MSH5: variants seen among roughly 807,000 people sequenced by gnomAD.
MSH5 encodes the protein mutS homolog 5, also known as mutS protein homolog 5.
MSH5 carries 78 observed loss-of-function variants against 107.7 expected under a neutral mutation model. The ratio of observed to expected loss-of-function variants is 0.72; its 90% CI spans 0.60 to 0.87. The LOEUF (loss-of-function observed/expected upper bound fraction) is 0.87. Ranked by LOEUF, MSH5 falls within the 40% of genes least tolerant of loss-of-function variation. MSH5 has a pLI of 0.00. For missense variants in MSH5, 889 were observed against 1,046.6 expected, an observed-to-expected ratio of 0.85 and a Z score of 2.08; for synonymous variants, 326 against 399.5, an observed-to-expected ratio of 0.82 and a Z score of 2.19.
intron 10 of MSH5, among the ~76,000 whole-genome samples, chr6:31,748,150 C>T (rs1008516186): frequency 1.3e-5 from 2 of 152,142 alleles, no homozygotes; most frequent in Non-Finnish European, 2.9e-5. Flanking sequence ...TTGCATATCA[C>T]CACCTGCAGT....
intron 5 of MSH5, 143 bp from the exon 6 acceptor site, chr6:31,743,761 G>T: frequency 8.5e-7 from 1 of 1,178,652 alleles, no homozygotes; most frequent in Non-Finnish European, 1.2e-6. Flanking sequence ...TGAAAATTTG[G>T]TTCTTGCTCT....
Position 31,761,159 on chromosome 6 carries a change from C to T in MSH5, c.1963-29C>T. The T allele has an allele frequency of 6.2e-7, 1 of 1,609,254 alleles. No homozygotes were observed. The highest frequency in any genetic ancestry group is 8.5e-7 in the Non-Finnish European group (1 of 1,177,314). ...GTGCGTTACGGGCTTCCAATACTAACTTTCCCTTGTCCACCTTATACCCAG... is the reference window on the plus strand; with the variant it reads ...GTGCGTTACGGGCTTCCAATACTAATTTTCCCTTGTCCACCTTATACCCAG... On this transcript the variant is annotated intron_variant, in intron 20 of 24. Transcript: ENST00000375750. This position sits in a 1 kb window ranked among gnomAD's most constrained non-coding sequence, Gnocchi z 5.3.
At chr6:31,757,080 A>C (rs1043589199) in intron 12 of MSH5, 2 of 152,346 alleles carry the variant, frequency 1.3e-5, no homozygotes, top group South Asian at 2.1e-4. Flanking sequence ...CTAGCTATCA[A>C]TATGGTAAAT....
intron 2 of MSH5, 46 bp from the exon 3 acceptor site, chr6:31,741,117 T>C: frequency 6.2e-7 from 1 of 1,608,442 alleles, no homozygotes. Context: ...AACCCTACAC[T>C]TATGAGTGAT....
chr6:31,740,316 C>A lies in MSH5; in HGVS notation c.-13-138C>A. On this transcript the variant is annotated intron_variant, in intron 1 of 24. Coordinates refer to ENST00000375750, the MANE Select transcript of MSH5 (RefSeq NM_172166.4). The surrounding 1 kb of genome is among the most constrained non-coding windows in gnomAD (Gnocchi z 4.4). ...CCCGAGAATTCACCTCCTGTGTCCA[C>A]AGCTCTCCACGCCCCTCAGCCCTGC... 1 of 823,244 alleles carries A rather than the reference C, an allele frequency of 1.2e-6. No homozygotes were observed. Among genetic ancestry groups the A allele is most frequent in the Non-Finnish European group, 1.8e-6 (1 of 544,902 alleles). 51.0% of individuals were successfully genotyped at this position (823,244 alleles called of 1,614,324 possible).
chr6:31,758,026 G>C lies in MSH5; in HGVS notation c.1015-139G>C, dbSNP rs1810602504. ...AGTGTTTGGTACAGTGCCTCTCACT[G>C]TTTCTTTTTGCCTTTGAGATCTTCC... On this transcript the variant is annotated intron_variant, in intron 12 of 24. Coordinates refer to ENST00000375750, the MANE Select transcript of MSH5 (RefSeq NM_172166.4). The surrounding 1 kb of genome is among the most constrained non-coding windows in gnomAD (Gnocchi z 5.1). 1 of 1,055,570 alleles carries C rather than the reference G, an allele frequency of 9.5e-7. No homozygotes were observed. Among genetic ancestry groups the C allele is most frequent in the Non-Finnish European group, 1.4e-6 (1 of 719,368 alleles). 65.4% of individuals were successfully genotyped at this position (1,055,570 alleles called of 1,614,324 possible).
At chr6:31,747,300 C>T in intron 9 of MSH5, 87 bp from the exon 10 acceptor site, 2 of 1,440,194 alleles carry the variant, frequency 1.4e-6, no homozygotes, top group Admixed American at 1.8e-5. Flanking sequence ...CACCTCTGAC[C>T]TGGATGCCTC....
intron 10 of MSH5, among the ~76,000 whole-genome samples, chr6:31,753,083 A>T (rs1163648148): frequency 1.3e-5 from 2 of 152,230 alleles, no homozygotes; most frequent in African/African-American, 4.8e-5. Flanking sequence ...TGAAACTGTG[A>T]TATGTAGACA....
chr6:31,745,765 G>GTTTTTT (rs9279404), intron 9 of MSH5, among the ~76,000 whole-genome samples: 2 of 120,970 alleles, frequency 1.7e-5, no homozygotes, highest in African/African-American at 3.5e-5. Context: ...TTGTGTCCAG[G>GTTTTTT]TTTTTTTTTT....
In MSH5 at chr6:31,758,493, C is replaced by G. The variant is rs767104807; in HGVS notation, c.1144-55C>G. 9 of 1,600,966 alleles carry G rather than the reference C, an allele frequency of 5.6e-6. No homozygotes were observed. Among genetic ancestry groups the G allele is most frequent in the Non-Finnish European group, 7.7e-6 (9 of 1,169,416 alleles). ...AGGGAGAATTGGGGCCCAAGGAGAG[C>G]TGAGGAACAGGACAGAGGGTGCCAG... On this transcript the variant is annotated intron_variant, in intron 13 of 24. Transcript: ENST00000375750. This position sits in a 1 kb window ranked among gnomAD's most constrained non-coding sequence, Gnocchi z 5.1.
intron 12 of MSH5, chr6:31,757,904 A>G (rs1810593042): frequency 1.9e-6 from 1 of 520,838 alleles, no homozygotes; most frequent in Admixed American, 3.5e-5. Flanking sequence ...TCCTGACCTC[A>G]GGTGATCTAC....
At chr6:31,744,692 CT>C in intron 8 of MSH5, 111 bp downstream of exon 8, 3 of 1,206,830 alleles carry the variant, frequency 2.5e-6, no homozygotes, top group Non-Finnish European at 1.2e-6. Context: ...CTATTAAGAT[CT>C]CTCTCCTTGA....
At chr6:31,757,135 T>TTTTGTTTGTTTG (rs111831265) in intron 12 of MSH5, 2 of 152,074 alleles carry the variant, frequency 1.3e-5, no homozygotes, top group African/African-American at 2.4e-5. Context: ...TTTTTTTGTT[T>TTTTGTTTGTTTG]TTTGTTTGTT....
At position 31,762,569 on chromosome 6, in the gene MSH5, CG is replaced by C. The variant is rs1811119694; in HGVS notation, c.*40del. 7.5e-7 allele frequency: 1 copy of C among 1,332,926 alleles called. No homozygotes were observed. The highest frequency in any genetic ancestry group is 1.4e-5 in the African/African-American group (1 of 69,012). The allele number at this position is 1,332,926 out of a possible 1,614,324, so 82.6% of individuals were successfully genotyped here. ...TGTCCTCCCCAGCCTCCTGAGACTC[CG>C]GTGGGCTGCCATGCCCTCTTTGTTT... On this transcript the variant is annotated 3_prime_UTR_variant, in exon 25 of 25. Transcript: ENST00000375750.
chr6:31,741,363 ACACACACACACACACACACATAT>A, intron 3 of MSH5, 77 bp downstream of exon 3: 10 of 1,377,402 alleles, frequency 7.3e-6, no homozygotes, highest in South Asian at 2.8e-5. Context: ...ACACACACAC[ACACACACACACACACACACATAT>A]TTTTTTTTTC....
chr6:31,741,803 G>C (rs28745893), intron 3 of MSH5, among the ~76,000 whole-genome samples: 7,170 of 152,084 alleles, frequency 0.047, 317 homozygotes, highest in African/African-American at 0.11. Context: ...TATGGTTCTG[G>C]ATGGTTGGAA....
Position 31,761,673 on chromosome 6 carries a change from G to T in MSH5, c.2181+58G>T. On this transcript the variant is annotated intron_variant, in intron 22 of 24. Transcript: ENST00000375750. This position sits in a 1 kb window ranked among gnomAD's most constrained non-coding sequence, Gnocchi z 5.3. Reference sequence around the variant, plus strand: ...CCAGGCTGGGCATTTCCCAGAGGTGGGGATTGGCTCCTCTATCAGAACAAG... The same window carrying T: ...CCAGGCTGGGCATTTCCCAGAGGTGTGGATTGGCTCCTCTATCAGAACAAG... 1 of 1,613,390 alleles carries T rather than the reference G, an allele frequency of 6.2e-7. No homozygotes were observed.
chr6:31,753,347 C>T lies in MSH5; in HGVS notation c.859C>T (p.Arg287Cys), dbSNP rs777829104. 17 of 1,614,172 alleles carry T rather than the reference C, an allele frequency of 1.1e-5. No individual in the cohort carries two copies. Among genetic ancestry groups the T allele is most frequent in the Admixed American group, 1.7e-5 (1 of 60,020 alleles). ...TCATGACCTGGGGGAGCTCAGTTCTCGTCTGGACGTCATTCAGTTTTTTCT... is the reference window on the plus strand; with the variant it reads ...TCATGACCTGGGGGAGCTCAGTTCTTGTCTGGACGTCATTCAGTTTTTTCT... ...PTHDLGELSS[R>C]LDVIQFFLLP... is the part of the protein sequence containing the mutation. Residue 287 changes from arginine to cysteine, a missense_variant, in exon 11 of 25, where the codon CGT becomes TGT. Arg to Cys is a radical substitution (Grantham distance 180). Coordinates refer to ENST00000375750, the MANE Select transcript of MSH5 (RefSeq NM_172166.4).
rs1811057828 is a variant in MSH5 at position 31,761,999 on chromosome 6, C to T, written c.2319+44C>T. 5.6e-6 allele frequency: 9 copies of T among 1,613,112 alleles called. No individual in the cohort carries two copies. Among genetic ancestry groups the T allele is most frequent in the African/African-American group, 1.3e-5 (1 of 74,868 alleles). ...GCAACCACCTCCACATCAGAGCTCC[C>T]TTTCATTCCTAGTCCTACTGGGCCT... On this transcript the variant is annotated intron_variant, in intron 23 of 24. Transcript: ENST00000375750. This position sits in a 1 kb window ranked among gnomAD's most constrained non-coding sequence, Gnocchi z 5.3.
Sources: allele counts gnomAD v4.1 joint callset (sites outside exome capture counted in the v4.1 genomes callset), GRCh38; gene constraint gnomAD v4.1.1; non-coding constraint Gnocchi (gnomAD v3.1); transcripts MANE v1.5; gene names NCBI Gene and HGNC (gene_info 2026-07-23, HGNC 2026-07-21).